The following NRG1 variants were observed in gnomAD, a reference collection of about 807,000 sequenced individuals.
NRG1 encodes neuregulin 1, also known as pro-neuregulin-1, membrane-bound isoform.
NRG1 carries 18 observed loss-of-function variants against 63.8 expected under a neutral mutation model. The ratio of observed to expected loss-of-function variants is 0.28; its 90% CI spans 0.19 to 0.42. The LOEUF (loss-of-function observed/expected upper bound fraction) is 0.42, where lower values mean the gene tolerates loss of function less well. Ranked by LOEUF, NRG1 falls within the 10% of genes least tolerant of loss-of-function variation. NRG1 has a pLI of 1.00. For synonymous variants in NRG1, 302 were observed against 301.3 expected, an observed-to-expected ratio of 1.00 and a Z score of -0.02; for missense variants, 762 against 814.7, an observed-to-expected ratio of 0.94 and a Z score of 0.79.
At chr8:32,453,241 A>G (rs1821185630) in intron 1 of NRG1, among the ~76,000 whole-genome samples, 1 of 152,156 alleles carries the variant, frequency 6.6e-6, no homozygotes, top group South Asian at 2.1e-4. Context: ...TCAACATTGG[A>G]AGAAAAAAAA....
chr8:32,065,535 A>G (rs1328001847), intron 1 of NRG1, among the ~76,000 whole-genome samples: 1 of 152,178 alleles, frequency 6.6e-6, no homozygotes, highest in Non-Finnish European at 1.5e-5. Context: ...ACATGGCTGC[A>G]TAGTATTCCA....
intron 1 of NRG1, among the ~76,000 whole-genome samples, chr8:32,306,587 T>G (rs1856208481): frequency 6.6e-6 from 1 of 152,218 alleles, no homozygotes. Context: ...GAATTATGAC[T>G]GCAAATACAT....
At chr8:31,803,548 C>G (rs1334710570) in intron 1 of NRG1, among the ~76,000 whole-genome samples, 2 of 152,182 alleles carry the variant, frequency 1.3e-5, no homozygotes, top group Admixed American at 1.3e-4. Flanking sequence ...TCATTTCTCT[C>G]CATCCACACT....
At chr8:32,495,385 A>G (rs1023954459) in intron 1 of NRG1, among the ~76,000 whole-genome samples, 5 of 152,190 alleles carry the variant, frequency 3.3e-5, no homozygotes, top group African/African-American at 1.2e-4. Context: ...CATGATTGTG[A>G]GGCTTCCCCA....
intron 11 of NRG1, 113 bp from the exon 12 acceptor site, chr8:32,763,633 AAT>A: frequency 8.3e-7 from 1 of 1,211,684 alleles, no homozygotes; most frequent in Non-Finnish European, 1.1e-6. Context: ...GCCTACAATG[AAT>A]AGAAATTCTC....
At chr8:32,334,969 T>G (rs113779332) in intron 1 of NRG1, among the ~76,000 whole-genome samples, 1 of 152,180 alleles carries the variant, frequency 6.6e-6, no homozygotes, top group Non-Finnish European at 1.5e-5. Flanking sequence ...TTAAGTGTAT[T>G]TCTCTTACAA....
At chr8:31,730,799 T>C (rs1235820159) in intron 1 of NRG1, among the ~76,000 whole-genome samples, 1 of 152,086 alleles carries the variant, frequency 6.6e-6, no homozygotes, top group Non-Finnish European at 1.5e-5. Context: ...ACACAAATGA[T>C]AGTAAATGTA....
chr8:31,977,069 G>T (rs1202097391), intron 1 of NRG1, among the ~76,000 whole-genome samples: 8 of 152,138 alleles, frequency 5.3e-5, no homozygotes, highest in Admixed American at 5.2e-4. Context: ...TTGCCTTTGT[G>T]CATGAAGACA....
At position 32,510,125 on chromosome 8, in the gene NRG1, A is replaced by ATC. The variant is rs1554566713; in HGVS notation, c.38-85703_38-85702insTC. ...TAATAATAATAATAATAATAATAAT[A>ATC]ATCATAAAAGCAAGGGAGGGAGGGA... On this transcript the variant is annotated intron_variant, in intron 1 of 10. Transcript: ENST00000519301. Among the ~76,000 whole-genome samples the ATC allele has an allele frequency of 5.7e-3, 845 of 148,052 alleles. 5 individuals are homozygous for ATC. The highest frequency in any genetic ancestry group is 0.019 in the African/African-American group (772 of 40,596).
intron 3 of NRG1, among the ~76,000 whole-genome samples, chr8:32,612,410 G>T (rs976967489): frequency 6.6e-6 from 1 of 151,986 alleles, no homozygotes; most frequent in Admixed American, 6.6e-5. Context: ...AGAAGTATAG[G>T]TTAACTTTTG....
At chr8:32,114,665 A>G (rs953300065) in intron 1 of NRG1, among the ~76,000 whole-genome samples, 3 of 152,282 alleles carry the variant, frequency 2.0e-5, no homozygotes, top group Admixed American at 6.5e-5. Context: ...AGGAAACTCA[A>G]CTTGAATCCT....
In NRG1 at chr8:31,640,254, G is replaced by T; in HGVS notation, c.37+823G>T. On this transcript the variant is annotated intron_variant, in intron 1 of 10. Coordinates refer to the NRG1 transcript ENST00000519301. The surrounding 1 kb of genome is among the most constrained non-coding windows in gnomAD (Gnocchi z 6.3). Reference sequence around the variant, plus strand: ...TGATCGAGGGAAAGGTGCACCCGCAGCGGCGGCAGCAGGGGGCACTCGACA... The same window carrying T: ...TGATCGAGGGAAAGGTGCACCCGCATCGGCGGCAGCAGGGGGCACTCGACA... 8.7e-7 allele frequency: 1 copy of T among 1,145,152 alleles called. No homozygotes were observed. The highest frequency in any genetic ancestry group is 4.1e-5 in the East Asian group (1 of 24,456). The allele number at this position is 1,145,152 out of a possible 1,614,324, so 70.9% of individuals were successfully genotyped here. A position where few individuals can be genotyped will look rare whatever the true frequency, so the allele number is the denominator to read the frequency against.
intron 1 of NRG1, among the ~76,000 whole-genome samples, chr8:32,238,039 C>G (rs1847741557): frequency 6.6e-6 from 1 of 152,130 alleles, no homozygotes. Flanking sequence ...GCAATCAGTA[C>G]TGTGGTTTCA....
intron 1 of NRG1, among the ~76,000 whole-genome samples, chr8:31,794,719 T>A (rs576239770): frequency 1.3e-5 from 2 of 152,258 alleles, no homozygotes; most frequent in East Asian, 1.9e-4. Flanking sequence ...TTTATGTAAA[T>A]ACTTATGGAG....
At chr8:31,957,604 G>A (rs902372099) in intron 1 of NRG1, among the ~76,000 whole-genome samples, 1 of 148,786 alleles carries the variant, frequency 6.7e-6, no homozygotes, top group Admixed American at 6.6e-5. Flanking sequence ...TGTCATTAAT[G>A]TAAAACACTG....
At position 32,256,026 on chromosome 8, in the gene NRG1, G is replaced by A. The variant is rs148505998; in HGVS notation, c.38-339802G>A. Among the ~76,000 whole-genome samples, 24 of 152,098 alleles carry A rather than the reference G, an allele frequency of 1.6e-4. No homozygotes were observed. In the East Asian group the frequency reaches 1.7e-3, roughly 11 times the overall value. On this transcript the variant is annotated intron_variant, in intron 1 of 10. Transcript: ENST00000519301. ...AGCTGTCGATACTTGTGTATGCTTC[G>A]CAAAGTTCTCATGCAGTGTTTTTCA...
At chr8:31,881,306 G>A (rs1016022218) in intron 1 of NRG1, among the ~76,000 whole-genome samples, 1 of 152,050 alleles carries the variant, frequency 6.6e-6, no homozygotes, top group Non-Finnish European at 1.5e-5. Flanking sequence ...GTGATCTGTG[G>A]TCTTTGATGT....
intron 1 of NRG1, among the ~76,000 whole-genome samples, chr8:32,497,498 A>G (rs1587980572): frequency 6.6e-6 from 1 of 152,038 alleles, no homozygotes; most frequent in Non-Finnish European, 1.5e-5. Context: ...AAAATGATAA[A>G]CAATTTAAAT....
At chr8:31,855,715 C>T (rs1037127151) in intron 1 of NRG1, among the ~76,000 whole-genome samples, 4 of 152,152 alleles carry the variant, frequency 2.6e-5, no homozygotes, top group Non-Finnish European at 5.9e-5. Flanking sequence ...TATCGATGGT[C>T]TTTACATTTT....
Sources: gnomAD v4.1 joint callset for allele counts (sites outside exome capture counted in the v4.1 genomes callset) on GRCh38, gnomAD v4.1.1 for gene constraint, Gnocchi (gnomAD v3.1) non-coding constraint, MANE v1.5 for transcripts, NCBI Gene and HGNC (gene_info 2026-07-23, HGNC 2026-07-21) for gene names.